COL20A1: variants seen among roughly 807,000 people sequenced by gnomAD.
The protein encoded by COL20A1 is collagen type XX alpha 1 chain.
A neutral mutation model predicts 152.9 loss-of-function variants in COL20A1; 164 were observed. The observed-to-expected ratio is 1.07, with a 90% CI of 0.94 to 1.22. COL20A1 has a LOEUF of 1.22. Ranked by LOEUF, COL20A1 falls within the 50% of genes most tolerant of loss-of-function variation. The pLI, the probability that COL20A1 is intolerant of heterozygous loss-of-function variation, is 0.00. For missense variants in COL20A1, 1,873 were observed against 1,744.8 expected, an observed-to-expected ratio of 1.07 and a Z score of -1.31; for synonymous variants, 864 against 756.0, an observed-to-expected ratio of 1.14 and a Z score of -2.34.
intron 2 of COL20A1, 146 bp from the exon 3 acceptor site, chr20:63,297,764 C>A: frequency 1.6e-6 from 1 of 624,390 alleles, no homozygotes; most frequent in Non-Finnish European, 2.8e-6. Context: ...CTCAGACACC[C>A]TGGGTGGGCT....
chr20:63,309,506 C>A lies in COL20A1; in HGVS notation c.1105+9C>A. The A allele has an allele frequency of 6.7e-7, 1 of 1,497,866 alleles. No individual in the cohort carries two copies. Among genetic ancestry groups the A allele is most frequent in the Non-Finnish European group, 8.9e-7 (1 of 1,119,274 alleles). The allele number at this position is 1,497,866 out of a possible 1,614,324, so 92.8% of individuals were successfully genotyped here. ...CCCGCGGCAGGGCCCAGGTGAGGGG[C>A]AGGGTCACCCGCACAGGCTGCAGCC... On this transcript the variant is annotated intron_variant, in intron 9 of 35. Transcript: ENST00000358894.
intron 7 of COL20A1, 61 bp from the exon 8 acceptor site, chr20:63,308,481 A>C (rs1004941392): frequency 6.9e-7 from 1 of 1,443,460 alleles, no homozygotes; most frequent in African/African-American, 1.4e-5. Flanking sequence ...GGTTGCTGCC[A>C]GCCGAGCACC....
chr20:63,311,437 G>C lies in COL20A1; in HGVS notation c.1437G>C (p.Thr479=), dbSNP rs754310748. Residue 479 remains threonine, a synonymous_variant, in exon 12 of 36, where the codon ACG becomes ACC. Transcript: ENST00000358894. The surrounding 1 kb of genome is among the most constrained non-coding windows in gnomAD (Gnocchi z 4.4). ...GGGCGCTGACCCTGGCCGCAGTGAC[G>C]CCCAGAACCGTCCACCTCACCTGGC... ...PPRALTLAAV[T]PRTVHLTWQP... is the part of the protein sequence containing the mutation. The C allele has an allele frequency of 3.8e-6, 6 of 1,574,260 alleles. No homozygotes were observed. The African/African-American group carries it at 6.7e-5, about 18-fold the overall frequency.
At position 63,334,132 on chromosome 20, in the gene COL20A1, G is replaced by T. The variant is rs1006072494; in HGVS notation, c.*3416G>T. ...AATATCCACACACTAACCATGAACT[G>T]GGCCATAAGAAACCTTACATTCCAA... is the stretch of plus-strand genomic sequence containing the variant. On this transcript the variant is annotated 3_prime_UTR_variant, in exon 36 of 36. Coordinates refer to ENST00000358894, the MANE Select transcript of COL20A1 (RefSeq NM_020882.4). 1 of 152,140 alleles carries T rather than the reference G, an allele frequency of 6.6e-6. No homozygotes were observed. The highest frequency in any genetic ancestry group is 1.5e-5 in the Non-Finnish European group (1 of 68,048). The allele number at this position is 152,140 out of a possible 1,614,324, so 9.4% of individuals were successfully genotyped here.
In COL20A1 at chr20:63,332,471, G is replaced by C. The variant is rs1388738218; in HGVS notation, c.*1755G>C. 2 of 152,288 alleles carry C rather than the reference G, an allele frequency of 1.3e-5. No individual in the cohort carries two copies. Among genetic ancestry groups the C allele is most frequent in the African/African-American group, 2.4e-5 (1 of 41,464 alleles). 9.4% of individuals were successfully genotyped at this position (152,288 alleles called of 1,614,324 possible). On this transcript the variant is annotated 3_prime_UTR_variant, in exon 36 of 36. Coordinates refer to ENST00000358894, the MANE Select transcript of COL20A1 (RefSeq NM_020882.4). ...TTGAGCAGTGGAGTGAGCAGGCTTT[G>C]TCATGAGGCAGGAGTGGGGCTAGAA... is the stretch of plus-strand genomic sequence containing the variant.
rs377096032 is a variant in COL20A1, at chr20:63,305,536, C to T, written c.313C>T (p.Leu105=). The T allele has an allele frequency of 2.0e-5, 32 of 1,603,794 alleles. No homozygotes were observed. The East Asian group carries it at 2.9e-4, about 15-fold the overall frequency. ...CGAGCTCACTGGCTCTGGGCGCTTCCTGCTAGCTCGGAGGGAGTTTGTGAG... is the reference window on the plus strand; with the variant it reads ...CGAGCTCACTGGCTCTGGGCGCTTCTTGCTAGCTCGGAGGGAGTTTGTGAG... ...IFELTGSGRF[L]LARREFVIED... is the part of the protein sequence containing the mutation. Residue 105 remains leucine (L), a synonymous_variant, in exon 4 of 36, where the codon CTG becomes TTG. Transcript: ENST00000358894. The surrounding 1 kb of genome is among the most constrained non-coding windows in gnomAD (Gnocchi z 4.9).
At chr20:63,299,552 G>A (rs1234947499) in intron 3 of COL20A1, among the ~76,000 whole-genome samples, 1 of 152,132 alleles carries the variant, frequency 6.6e-6, no homozygotes, top group African/African-American at 2.4e-5. Context: ...TATCACAATT[G>A]ATGTAGAGAA....
rs2068045412 is a variant in COL20A1, at chr20:63,313,602, G to A, written c.2210-141G>A. 1.2e-6 allele frequency: 1 copy of A among 823,364 alleles called. No homozygotes were observed. The highest frequency in any genetic ancestry group is 1.8e-6 in the Non-Finnish European group (1 of 543,110). The allele number at this position is 823,364 out of a possible 1,614,324, so 51.0% of individuals were successfully genotyped here. A position where few individuals can be genotyped will look rare whatever the true frequency, so the allele number is the denominator to read the frequency against. On this transcript the variant is annotated intron_variant, in intron 17 of 35. Coordinates refer to ENST00000358894, the MANE Select transcript of COL20A1 (RefSeq NM_020882.4). The surrounding 1 kb of genome is among the most constrained non-coding windows in gnomAD (Gnocchi z 5.9). ...GGTGTGGTTGTGCCAGGGGGGTGATGCGGGCTGTGGTAGGGGTGTGGCATG... is the reference window on the plus strand; with the variant it reads ...GGTGTGGTTGTGCCAGGGGGGTGATACGGGCTGTGGTAGGGGTGTGGCATG...
At chr20:63,302,511 G>A (rs1452548538) in intron 3 of COL20A1, among the ~76,000 whole-genome samples, 1 of 152,130 alleles carries the variant, frequency 6.6e-6, no homozygotes, top group South Asian at 2.1e-4. Flanking sequence ...AGTAGAGACG[G>A]GGTTTCACTG....
rs576129173 is a variant in COL20A1, at chr20:63,312,881, G to A, written c.2023G>A (p.Val675Met). The change falls in exon 16 of 36, where the codon GTG (valine) becomes ATG (methionine). Residue 675 changes from valine to methionine, a missense_variant. Val to Met is a conservative substitution (Grantham distance 21). Coordinates refer to ENST00000358894, the MANE Select transcript of COL20A1 (RefSeq NM_020882.4). ...LAWVAAAPSG[V>M]LVYQITWTPL... is the part of the protein sequence containing the mutation. Reference sequence around the variant, plus strand: ...GTGGGTGGCCGCAGCCCCGTCTGGCGTGCTTGTCTACCAGATCACGTGGAC... The same window carrying A: ...GTGGGTGGCCGCAGCCCCGTCTGGCATGCTTGTCTACCAGATCACGTGGAC... 6.5e-5 allele frequency: 101 copies of A among 1,557,494 alleles called. No individual in the cohort carries two copies. Among genetic ancestry groups the A allele is most frequent in the African/African-American group, 1.2e-4 (9 of 73,536 alleles).
At position 63,306,006 on chromosome 20, in the gene COL20A1, G is replaced by A. The variant is rs745948977; in HGVS notation, c.463G>A (p.Ala155Thr). 3 of 1,612,506 alleles carry A rather than the reference G, an allele frequency of 1.9e-6. No homozygotes were observed. Among genetic ancestry groups the A allele is most frequent in the South Asian group, 1.1e-5 (1 of 90,990 alleles). The change falls in exon 5 of 36, where the codon GCC becomes ACC. Residue 155 changes from alanine to threonine, a missense_variant. By Grantham distance (58) the Ala-to-Thr change is moderately conservative. Coordinates refer to ENST00000358894, the MANE Select transcript of COL20A1 (RefSeq NM_020882.4). The surrounding 1 kb of genome is among the most constrained non-coding windows in gnomAD (Gnocchi z 6.9). The part of the protein sequence containing the change: ...DPEQASEPQV[A>T]FTPSQDPRTP... Reference sequence around the variant, plus strand: ...TGAGCAGGCTTCTGAGCCCCAAGTTGCCTTCACACCAAGCCAGGATCCGCG... The same window carrying A: ...TGAGCAGGCTTCTGAGCCCCAAGTTACCTTCACACCAAGCCAGGATCCGCG...
intron 1 of COL20A1, among the ~76,000 whole-genome samples, chr20:63,294,309 A>G (rs886955887): frequency 2.5e-4 from 37 of 151,012 alleles, no homozygotes; most frequent in African/African-American, 8.8e-4. Context: ...GGCAGCTGAC[A>G]TGCTCCCCAC....
intron 30 of COL20A1, 117 bp downstream of exon 30, chr20:63,326,266 G>T (rs1467818347): frequency 3.7e-6 from 3 of 807,548 alleles, no homozygotes; most frequent in Non-Finnish European, 6.2e-6. Flanking sequence ...GGAAGTGCCT[G>T]GGAGGGCCTC....
rs2068285384 is a variant in COL20A1 at position 63,328,424 on chromosome 20, G to C, written c.3707G>C (p.Gly1236Ala). The C allele has an allele frequency of 5.6e-6, 9 of 1,612,526 alleles. 1 individual carries two copies. Among genetic ancestry groups the C allele is most frequent in the East Asian group, 2.2e-5 (1 of 44,882 alleles). Residue 1236 changes from glycine (G) to alanine (A), a missense_variant, in exon 34 of 36, where the codon GGG (glycine) becomes GCG (alanine). Gly to Ala is a moderately conservative substitution (Grantham distance 60, BLOSUM62 0). Coordinates refer to ENST00000358894, the MANE Select transcript of COL20A1 (RefSeq NM_020882.4). ...QKLEPGTEPL[G>A]SPGTRSKALV... ...CTGGAGCCGGGCACTGAGCCCCTGG[G>C]GTCCCCTGGCACCCGCAGCAAGGCC... is the stretch of plus-strand genomic sequence containing the variant.
rs776339339 is a variant in COL20A1 at position 63,316,668 on chromosome 20, C to T, written c.2640C>T (p.Asp880=). The T allele has an allele frequency of 2.0e-5, 32 of 1,571,864 alleles. No individual in the cohort carries two copies. Among genetic ancestry groups the T allele is most frequent in the African/African-American group, 2.7e-5 (2 of 74,056 alleles). ...CCCCGACCTTCACGCTCTTCAAGGA[C>T]GCCCAGCTGACAAGACGGGTCAGGT... ...GGTPTFTLFK[D]AQLTRRVSDV... Residue 880 remains aspartate, a synonymous_variant, in exon 21 of 36, where the codon GAC becomes GAT. Coordinates refer to ENST00000358894, the MANE Select transcript of COL20A1 (RefSeq NM_020882.4).
At chr20:63,317,625 C>G (rs1229943599) in intron 21 of COL20A1, among the ~76,000 whole-genome samples, 2 of 152,160 alleles carry the variant, frequency 1.3e-5, no homozygotes, top group Non-Finnish European at 2.9e-5. Flanking sequence ...GCCGCCGGCC[C>G]ATGTGCTATG....
chr20:63,294,950 G>A (rs2067767433), intron 1 of COL20A1, 148 bp from the exon 2 acceptor site: 4 of 587,960 alleles, frequency 6.8e-6, no homozygotes, highest in Non-Finnish European at 1.2e-5. Context: ...CAGGTTGCAG[G>A]CCTCTGGTCC....
chr20:63,329,281 T>C, intron 34 of COL20A1: 1 of 399,206 alleles, frequency 2.5e-6, no homozygotes, highest in East Asian at 4.6e-5. Context: ...ACATCACTAC[T>C]CAGAATAAAC....
intron 1 of COL20A1, among the ~76,000 whole-genome samples, chr20:63,293,572 A>C (rs2067743018): frequency 6.6e-6 from 1 of 152,072 alleles, no homozygotes; most frequent in South Asian, 2.1e-4. Flanking sequence ...AGCGGCTTGC[A>C]CTTCAGGCTG....
Sources: allele counts gnomAD v4.1 joint callset (sites outside exome capture counted in the v4.1 genomes callset), GRCh38; gene constraint gnomAD v4.1.1; non-coding constraint Gnocchi (gnomAD v3.1); transcripts MANE v1.5; gene names NCBI Gene and HGNC (gene_info 2026-07-23, HGNC 2026-07-21).